The following RBCK1 variants were observed in gnomAD, a reference collection of about 807,000 sequenced individuals.
The protein encoded by RBCK1 is RANBP2-type and C3HC4-type zinc finger containing 1, also known as ranBP-type and C3HC4-type zinc finger-containing protein 1.
A neutral mutation model predicts 71.1 loss-of-function variants in RBCK1; 44 were observed. The observed-to-expected ratio is 0.62, with a 90% CI of 0.49 to 0.80. RBCK1 has a LOEUF of 0.80. Ranked by LOEUF, RBCK1 falls within the 30% of genes least tolerant of loss-of-function variation. The pLI is 0.00. For synonymous variants in RBCK1, 306 were observed against 279.7 expected (o/e 1.09, Z -0.94); for missense variants, 569 against 685.0 (o/e 0.83, Z 1.89).
At chr20:418,129 G>A (rs1416710896) in intron 4 of RBCK1, among the ~76,000 whole-genome samples, 199 bp downstream of exon 4, 1 of 152,212 alleles carries the variant, frequency 6.6e-6, no homozygotes, top group African/African-American at 2.4e-5. Flanking sequence ...CTGGCACGGG[G>A]AGGGGTGGAC....
At chr20:410,521 T>C (rs1439776166) in intron 2 of RBCK1, 2 of 779,640 alleles carry the variant, frequency 2.6e-6, no homozygotes, top group African/African-American at 1.7e-5. Flanking sequence ...AGCTCAAAAA[T>C]TGTACACACT....
intron 8 of RBCK1, among the ~76,000 whole-genome samples, chr20:425,661 C>T (rs2016674085): frequency 7.3e-6 from 1 of 137,418 alleles, no homozygotes; most frequent in Non-Finnish European, 1.5e-5. Flanking sequence ...AAGTCTCACT[C>T]TGTTGCCTAA....
intron 9 of RBCK1, 98 bp downstream of exon 9, chr20:427,590 C>A: frequency 7.6e-7 from 1 of 1,308,612 alleles, no homozygotes; most frequent in Non-Finnish European, 1.1e-6. Context: ...AGCTGTGACA[C>A]TGGCCTGCTG....
chr20:425,654 T>C (rs1293636468), intron 8 of RBCK1, among the ~76,000 whole-genome samples: 1 of 143,672 alleles, frequency 7.0e-6, no homozygotes, highest in Non-Finnish European at 1.5e-5. Flanking sequence ...TGAGACGAAG[T>C]CTCACTCTGT....
intron 6 of RBCK1, 151 bp downstream of exon 6, chr20:419,882 AC>A (rs199527581): frequency 9.3e-5 from 132 of 1,417,910 alleles, no homozygotes; most frequent in South Asian, 4.1e-4. Flanking sequence ...CCTGGCTGTG[AC>A]CCTGCACCTG....
At chr20:418,593 C>T (rs1028086148) in intron 4 of RBCK1, among the ~76,000 whole-genome samples, 5 of 152,166 alleles carry the variant, frequency 3.3e-5, no homozygotes, top group African/African-American at 1.2e-4. Context: ...TGGTCTCGAT[C>T]TCCTGACTTT....
rs760948890 is a variant in RBCK1 at position 420,822 on chromosome 20, C to A, written c.757-49C>A. 10 of 1,515,488 alleles carry A rather than the reference C, an allele frequency of 6.6e-6. No individual in the cohort carries two copies. The South Asian group carries it at 1.2e-4, about 18-fold the overall frequency. The allele number at this position is 1,515,488 out of a possible 1,614,324, so 93.9% of individuals were successfully genotyped here. On this transcript the variant is annotated intron_variant, in intron 6 of 11. Coordinates refer to ENST00000356286, the MANE Select transcript of RBCK1 (RefSeq NM_031229.4). ...GGCCCTTCCCCCTTCGGGGTCTGACCCGCCCCCGAGGCCCTGACCCGCCCC... is the reference window on the plus strand; with the variant it reads ...GGCCCTTCCCCCTTCGGGGTCTGACACGCCCCCGAGGCCCTGACCCGCCCC...
chr20:409,983 G>C lies in RBCK1; in HGVS notation c.125G>C (p.Ser42Thr), dbSNP rs1194488790. Residue 42 changes from serine to threonine, a missense_variant, in exon 2 of 12, where the codon AGT (serine) becomes ACT (threonine). This residue lies in a region of RBCK1 where 358 missense variants were observed against 375.6 expected (regional missense o/e 0.95). Coordinates refer to ENST00000356286, the MANE Select transcript of RBCK1 (RefSeq NM_031229.4). ...IWLAEQRVPLSVQLKPEVSPT... is the reference protein window; with the variant it reads ...IWLAEQRVPLTVQLKPEVSPT... Reference sequence around the variant, plus strand: ...CTGGCAGAGCAACGGGTGCCCCTGAGTGTGCAACTGAAGCCTGAGGTCTCC... The same window carrying C: ...CTGGCAGAGCAACGGGTGCCCCTGACTGTGCAACTGAAGCCTGAGGTCTCC... The C allele has an allele frequency of 6.2e-7, 1 of 1,614,078 alleles. No individual in the cohort carries two copies. Among genetic ancestry groups the C allele is most frequent in the Non-Finnish European group, 8.5e-7 (1 of 1,180,044 alleles).
Position 430,432 on chromosome 20 carries a change from C to T in RBCK1, c.*2C>T, listed in dbSNP as rs1371360852. The T allele has an allele frequency of 3.1e-6, 5 of 1,608,354 alleles. No individual in the cohort carries two copies. The highest frequency in any genetic ancestry group is 1.3e-5 in the African/African-American group (1 of 74,812). ...CCAAGCTGTCAGAACTGCCACTGAGCTAAAGATGGTGGGGCCACATGCTGA... is the reference window on the plus strand; with the variant it reads ...CCAAGCTGTCAGAACTGCCACTGAGTTAAAGATGGTGGGGCCACATGCTGA... On this transcript the variant is annotated 3_prime_UTR_variant, in exon 12 of 12. Coordinates refer to ENST00000356286, the MANE Select transcript of RBCK1 (RefSeq NM_031229.4). The surrounding 1 kb of genome is among the most constrained non-coding windows in gnomAD (Gnocchi z 5.6).
rs933358760 is a variant in RBCK1 at position 420,462 on chromosome 20, T to C, written c.757-409T>C. The stretch of plus-strand genomic sequence containing the variant: ...CTTCGTCACTTCCCCACCCCTGACG[T>C]TGAGTGGCTCCACCAGCCCTGGCCC... On this transcript the variant is annotated intron_variant, in intron 6 of 11. Transcript: ENST00000356286. The C allele has an allele frequency of 1.4e-5, 13 of 947,708 alleles. 1 individual carries two copies. In the South Asian group the frequency reaches 1.5e-4, roughly 11 times the overall value. 58.7% of individuals were successfully genotyped at this position (947,708 alleles called of 1,614,324 possible).
At chr20:424,171 T>C (rs934391291) in intron 8 of RBCK1, among the ~76,000 whole-genome samples, 16 of 152,226 alleles carry the variant, frequency 1.1e-4, no homozygotes, top group Non-Finnish European at 1.9e-4. Context: ...CATACGTGTG[T>C]GCTTGCCGCT....
At chr20:412,811 G>A (rs141228657) in intron 2 of RBCK1, among the ~76,000 whole-genome samples, 1 of 152,276 alleles carries the variant, frequency 6.6e-6, no homozygotes, top group East Asian at 1.9e-4. Flanking sequence ...GTTAGTCTAT[G>A]TTTTATTTTG....
intron 2 of RBCK1, among the ~76,000 whole-genome samples, chr20:413,179 C>T (rs908474838): frequency 6.6e-6 from 1 of 152,164 alleles, no homozygotes; most frequent in Non-Finnish European, 1.5e-5. Flanking sequence ...ACACTAATTA[C>T]TATAGCTTCA....
In RBCK1 at chr20:422,315, TTTC is replaced by T. The variant is rs2016485264; in HGVS notation, c.1029+80_1029+82del. The T allele has an allele frequency of 8.5e-7, 1 of 1,177,150 alleles. No homozygotes were observed. The highest frequency in any genetic ancestry group is 1.6e-5 in the African/African-American group (1 of 63,814). The allele number at this position is 1,177,150 out of a possible 1,614,324, so 72.9% of individuals were successfully genotyped here. On this transcript the variant is annotated intron_variant, in intron 8 of 11. Coordinates refer to ENST00000356286, the MANE Select transcript of RBCK1 (RefSeq NM_031229.4). The surrounding 1 kb of genome is among the most constrained non-coding windows in gnomAD (Gnocchi z 5.0). ...GGGCCCTGAGCAGGCAGCAGACATC[TTTC>T]TTTTCTTTCTTTTTTTTTTTTGGAG...
Position 417,808 on chromosome 20 carries a change from C to T in RBCK1, c.338C>T (p.Thr113Ile), listed in dbSNP as rs372591105. 5.1e-5 allele frequency: 82 copies of T among 1,613,964 alleles called. No homozygotes were observed. Among genetic ancestry groups the T allele is most frequent in the Non-Finnish European group, 6.7e-5 (79 of 1,180,016 alleles). The change falls in exon 4 of 12, where the codon ACC becomes ATC. Residue 113 changes from threonine (T) to isoleucine (I), a missense_variant. Thr to Ile is a moderately conservative substitution (Grantham distance 89). Around this residue, in one of 2 missense-constraint regions of RBCK1, gnomAD observed 358 missense variants for 375.6 expected, o/e 0.95. Transcript: ENST00000356286. This position sits in a 1 kb window ranked among gnomAD's most constrained non-coding sequence, Gnocchi z 4.7. Reference protein sequence around the residue: ...IGQRLARDQETLHSHGVRQNG... With the variant: ...IGQRLARDQEILHSHGVRQNG... ...CAGCGGCTGGCACGAGACCAGGAGA[C>T]CCTGCACTCCCATGGGGTGCGGCAG...
At chr20:421,609 CAAGG>C in intron 7 of RBCK1, among the ~76,000 whole-genome samples, 1 of 152,190 alleles carries the variant, frequency 6.6e-6, no homozygotes, top group Admixed American at 6.5e-5. Flanking sequence ...TGGAAGCTTC[CAAGG>C]AGGTAGCCCC....
At position 421,048 on chromosome 20, in the gene RBCK1, C is replaced by T. The variant is rs975399363; in HGVS notation, c.917+17C>T. 1.3e-5 allele frequency: 20 copies of T among 1,528,426 alleles called. No individual in the cohort carries two copies. Among genetic ancestry groups the T allele is most frequent in the Non-Finnish European group, 1.5e-5 (17 of 1,134,034 alleles). 94.7% of individuals were successfully genotyped at this position (1,528,426 alleles called of 1,614,324 possible). A position where few individuals can be genotyped will look rare whatever the true frequency, so the allele number is the denominator to read the frequency against. On this transcript the variant is annotated intron_variant, in intron 7 of 11. Transcript: ENST00000356286. ...CTTCTGCAGGTGCGGCCCCCAGTCC[C>T]ACCCCCGGCAATGCAGCTTAATCAA...
In RBCK1 at chr20:408,494, G is replaced by T. The variant is rs545713829; in HGVS notation, c.-264G>T. The T allele has an allele frequency of 1.3e-3, 700 of 551,222 alleles. 4 individuals are homozygous for T. In the Middle Eastern group the frequency reaches 0.027, roughly 21 times the overall value. 34.1% of individuals were successfully genotyped at this position (551,222 alleles called of 1,614,324 possible). A position where few individuals can be genotyped will look rare whatever the true frequency, so the allele number is the denominator to read the frequency against. The stretch of plus-strand genomic sequence containing the variant: ...GCTTCTTCCCACCTCGGCTGGTCCC[G>T]TTTCCTCCTGCGCCCAGTGCGGACC... On this transcript the variant is annotated 5_prime_UTR_variant, in exon 1 of 12. Coordinates refer to ENST00000356286, the MANE Select transcript of RBCK1 (RefSeq NM_031229.4).
Position 431,119 on chromosome 20 carries a change from T to G in RBCK1, c.*689T>G, listed in dbSNP as rs2016997250. On this transcript the variant is annotated 3_prime_UTR_variant, in exon 12 of 12. Coordinates refer to ENST00000356286, the MANE Select transcript of RBCK1 (RefSeq NM_031229.4). The surrounding 1 kb of genome is among the most constrained non-coding windows in gnomAD (Gnocchi z 4.8). ...AGGCTGTGACTGAGCACTGGGACCT[T>G]TCTACCAGATGTGGACCCCATGCCC... is the stretch of plus-strand genomic sequence containing the variant. Among the ~76,000 whole-genome samples, 1 of 152,092 alleles carries G rather than the reference T, an allele frequency of 6.6e-6. No homozygotes were observed. Among genetic ancestry groups the G allele is most frequent in the Non-Finnish European group, 1.5e-5 (1 of 68,022 alleles).
Sources: allele counts gnomAD v4.1 joint callset (sites outside exome capture counted in the v4.1 genomes callset), GRCh38; gene constraint gnomAD v4.1.1; regional missense constraint gnomAD v4.1.1; non-coding constraint Gnocchi (gnomAD v3.1); transcripts MANE v1.5; gene names NCBI Gene and HGNC (gene_info 2026-07-23, HGNC 2026-07-21).